IRAK4: variants seen among roughly 807,000 people sequenced by gnomAD.
IRAK4 encodes the protein interleukin-1 receptor-associated kinase 4.
In IRAK4, 44 loss-of-function variants were observed where a neutral mutation model predicts 51.8. The ratio of observed to expected loss-of-function variants is 0.85; its 90% CI spans 0.67 to 1.09. The LOEUF is 1.09. IRAK4 is among the 50% of genes least tolerant of loss of function. The probability of loss-of-function intolerance (pLI) is 0.00; values close to 1 mark genes in which losing one functional copy is unlikely to be tolerated. For missense variants in IRAK4, 487 were observed against 538.0 expected, an observed-to-expected ratio of 0.91 and a Z score of 0.94; for synonymous variants, 149 against 174.1, an observed-to-expected ratio of 0.86 and a Z score of 1.13.
chr12:43,772,456 A>G, intron 4 of IRAK4, 94 bp downstream of exon 4: 5 of 1,105,022 alleles, frequency 4.5e-6, no homozygotes, highest in Non-Finnish European at 5.5e-6. Flanking sequence ...TTGTGCAGCA[A>G]TCACAGGCAC....
chr12:43,782,740 C>A (rs905212800), intron 9 of IRAK4, among the ~76,000 whole-genome samples: 2 of 152,114 alleles, frequency 1.3e-5, no homozygotes, highest in Admixed American at 6.5e-5. Flanking sequence ...TAGCATGACA[C>A]CTAATGCATT....
chr12:43,786,399 C>A lies in IRAK4; in HGVS notation c.1189C>A (p.Leu397Ile), dbSNP rs1372600262. The A allele has an allele frequency of 6.4e-7, 1 of 1,563,482 alleles. No homozygotes were observed. Residue 397 changes from leucine to isoleucine, a missense_variant and splice_region_variant, in exon 11 of 12, where the codon CTA (leucine) becomes ATA (isoleucine). Transcript: ENST00000613694. ...VDEHREPQLL[L>I]DIKEEIEDEE... Reference sequence around the variant, plus strand: ...TAAAGTTTTAACACTCATTTTAAAGCTAGATATTAAAGAAGAAATTGAAGA... The same window carrying A: ...TAAAGTTTTAACACTCATTTTAAAGATAGATATTAAAGAAGAAATTGAAGA...
Position 43,773,472 on chromosome 12 carries a change from AT to A in IRAK4, c.651+408del, listed in dbSNP as rs997808725. Among the ~76,000 whole-genome samples, 4 of 152,072 alleles carry A rather than the reference AT, an allele frequency of 2.6e-5. No individual in the cohort carries two copies. In the South Asian group the frequency reaches 6.2e-4, roughly 24 times the overall value. ...GTATACATTAAGAAAAAACATTAAA[AT>A]TTTTTTTATCTGTGTCCTTTGTTGC... On this transcript the variant is annotated intron_variant, in intron 5 of 11. Transcript: ENST00000613694.
chr12:43,761,164 A>G (rs547467852), intron 1 of IRAK4, among the ~76,000 whole-genome samples: 5 of 152,236 alleles, frequency 3.3e-5, no homozygotes, highest in South Asian at 2.1e-4. Flanking sequence ...GCTTTTGTTC[A>G]TAATGATGAT....
intron 3 of IRAK4, 108 bp from the exon 4 acceptor site, chr12:43,772,070 CCA>C: frequency 1.2e-6 from 1 of 837,988 alleles, no homozygotes; most frequent in South Asian, 1.5e-5. Flanking sequence ...GAATATGAGA[CCA>C]ACCTGTAGAA....
chr12:43,768,070 G>A (rs1026852190), intron 1 of IRAK4, 33 bp from the exon 2 acceptor site: 6 of 1,549,436 alleles, frequency 3.9e-6, no homozygotes, highest in Admixed American at 3.4e-5. Context: ...TAAAAGTACT[G>A]TAAAATTTTA....
At chr12:43,766,484 T>C (rs570056750) in intron 1 of IRAK4, among the ~76,000 whole-genome samples, 1 of 152,214 alleles carries the variant, frequency 6.6e-6, no homozygotes, top group Non-Finnish European at 1.5e-5. Context: ...TTGTATCCCC[T>C]GGTATACTGA....
intron 6 of IRAK4, among the ~76,000 whole-genome samples, 153 bp from the exon 7 acceptor site, chr12:43,777,477 T>TA (rs1941385570): frequency 1.3e-5 from 2 of 152,196 alleles, no homozygotes. Flanking sequence ...ACAGTTACAA[T>TA]AAACATATAT....
intron 6 of IRAK4, 89 bp from the exon 7 acceptor site, chr12:43,777,538 CTTT>C: frequency 8.2e-7 from 1 of 1,219,036 alleles, no homozygotes; most frequent in Non-Finnish European, 1.1e-6. Flanking sequence ...TTTTTTTGCT[CTTT>C]TTTTCTATTA....
Position 43,783,653 on chromosome 12 carries a change from T to A in IRAK4, c.1126-9T>A, listed in dbSNP as rs1226593914. On this transcript the variant is annotated splice_polypyrimidine_tract_variant and intron_variant, in intron 9 of 11. Transcript: ENST00000613694. ...TGTATTATATTAATGATTTTTTTTG[T>A]CTTCATAGGTTTTACTAGAAATAAT... The A allele has an allele frequency of 7.6e-6, 12 of 1,575,828 alleles. No homozygotes were observed. The highest frequency in any genetic ancestry group is 9.6e-6 in the Non-Finnish European group (11 of 1,146,830).
At position 43,772,303 on chromosome 12, in the gene IRAK4, G is replaced by T. The variant is rs147079926; in HGVS notation, c.431G>T (p.Ser144Ile). ...ACACCTGTGCAGAATCTTGAACAAA[G>T]CTATATGCCACCTGACTCCTCAAGT... ...LMTPVQNLEQ[S>I]YMPPDSSSPE... The change falls in exon 4 of 12, where the codon AGC becomes ATC. Residue 144 changes from serine to isoleucine, a missense_variant. By Grantham distance (142) the Ser-to-Ile change is moderately radical. Coordinates refer to ENST00000613694, the MANE Select transcript of IRAK4 (RefSeq NM_016123.4). 6.2e-7 allele frequency: 1 copy of T among 1,613,766 alleles called. No individual in the cohort carries two copies. Among genetic ancestry groups the T allele is most frequent in the African/African-American group, 1.3e-5 (1 of 75,042 alleles).
chr12:43,784,973 CT>C (rs888788688), intron 10 of IRAK4, among the ~76,000 whole-genome samples: 20 of 152,232 alleles, frequency 1.3e-4, no homozygotes, highest in African/African-American at 4.3e-4. Context: ...CTTCCTAGGA[CT>C]GTTATAAAAA....
chr12:43,785,327 A>G (rs1472990394), intron 10 of IRAK4, among the ~76,000 whole-genome samples: 1 of 151,692 alleles, frequency 6.6e-6, no homozygotes, highest in Admixed American at 6.6e-5. Flanking sequence ...ATTTTTTTTT[A>G]TCATGGCCTG....
chr12:43,760,174 A>G (rs574657162), intron 1 of IRAK4, among the ~76,000 whole-genome samples: 12 of 152,258 alleles, frequency 7.9e-5, no homozygotes, highest in Admixed American at 7.8e-4. Flanking sequence ...TCTCTATCTC[A>G]GTAAATATCG....
intron 7 of IRAK4, 42 bp downstream of exon 7, chr12:43,777,786 A>G (rs771690312): frequency 3.5e-6 from 5 of 1,411,272 alleles, no homozygotes; most frequent in South Asian, 2.3e-5. Flanking sequence ...TTTTGTTTAT[A>G]TGCTGGAATA....
Position 43,786,921 on chromosome 12 carries a change from C to T in IRAK4, c.*206C>T, listed in dbSNP as rs997172018. 6.9e-6 allele frequency: 4 copies of T among 580,002 alleles called. No homozygotes were observed. The highest frequency in any genetic ancestry group is 1.9e-5 in the African/African-American group (1 of 53,256). 35.9% of individuals were successfully genotyped at this position (580,002 alleles called of 1,614,324 possible). On this transcript the variant is annotated 3_prime_UTR_variant, in exon 12 of 12. Transcript: ENST00000613694. ...TTAGCCCTACCCATTAGTATCACCC[C>T]CAGTTCTTACAGTAATCCCTGAGAA...
chr12:43,770,956 TC>T (rs1940689722), intron 2 of IRAK4: 1 of 628,708 alleles, frequency 1.6e-6, no homozygotes, highest in East Asian at 3.2e-5. Context: ...GCCCTATTTT[TC>T]TTTTTCTCTC....
chr12:43,776,877 A>G (rs938642592), intron 6 of IRAK4, among the ~76,000 whole-genome samples: 2 of 152,264 alleles, frequency 1.3e-5, no homozygotes, highest in Non-Finnish European at 2.9e-5. Flanking sequence ...GATCAAAAAC[A>G]TGTAAATTAG....
In IRAK4 at chr12:43,771,363, C is replaced by T; in HGVS notation, c.305C>T (p.Pro102Leu). ...TTTGCTCCTGCGAGTCTTTTGCTCCCAGGTAAACTGATTGTGACCAGGGTG... is the reference window on the plus strand; with the variant it reads ...TTTGCTCCTGCGAGTCTTTTGCTCCTAGGTAAACTGATTGTGACCAGGGTG... ...EFFAPASLLL[P>L]DAVPKTANTL... Residue 102 changes from proline to leucine, a missense_variant and splice_region_variant, in exon 3 of 12, where the codon CCA becomes CTA. Coordinates refer to ENST00000613694, the MANE Select transcript of IRAK4 (RefSeq NM_016123.4). The T allele has an allele frequency of 1.2e-6, 2 of 1,614,060 alleles. No homozygotes were observed. Among genetic ancestry groups the T allele is most frequent in the Non-Finnish European group, 1.7e-6 (2 of 1,179,964 alleles).
Sources: allele counts gnomAD v4.1 joint callset (sites outside exome capture counted in the v4.1 genomes callset), GRCh38; gene constraint gnomAD v4.1.1; transcripts MANE v1.5; gene names NCBI Gene and HGNC (gene_info 2026-07-23, HGNC 2026-07-21).